Variants in UHRF1 observed in about 807,000 individuals in gnomAD.
UHRF1 encodes ubiquitin like with PHD and ring finger domains 1.
A neutral mutation model predicts 96.5 loss-of-function variants in UHRF1; 9 were observed. The ratio of observed to expected loss-of-function variants is 0.09; its 90% CI spans 0.06 to 0.16. The LOEUF is 0.16. UHRF1 is among the 10% of genes least tolerant of loss of function. The pLI, the probability that UHRF1 is intolerant of heterozygous loss-of-function variation, is 1.00. For missense variants in UHRF1, 626 were observed against 1,131.1 expected, an observed-to-expected ratio of 0.55 and a Z score of 6.40; for synonymous variants, 455 against 469.9, an observed-to-expected ratio of 0.97 and a Z score of 0.41.
chr19:4,917,920 T>G (rs993799066), intron 2 of UHRF1, among the ~76,000 whole-genome samples: 2 of 151,876 alleles, frequency 1.3e-5, no homozygotes, highest in Non-Finnish European at 2.9e-5. Flanking sequence ...CTCGGCCTTC[T>G]GAGTAGTTGG....
chr19:4,944,574 A>AG, intron 9 of UHRF1, 124 bp downstream of exon 9: 1 of 1,046,708 alleles, frequency 9.6e-7, no homozygotes, highest in Non-Finnish European at 1.4e-6. Context: ...CGGCTAGCCG[A>AG]GGAGGGGTGT....
At chr19:4,920,008 A>G (rs543044987) in intron 2 of UHRF1, among the ~76,000 whole-genome samples, 1 of 151,798 alleles carries the variant, frequency 6.6e-6, no homozygotes, top group Non-Finnish European at 1.5e-5. Context: ...GTAGAGACGG[A>G]GTTTCTCCAT....
rs1599234593 is a variant in UHRF1 at position 4,911,100 on chromosome 19, C to G, written c.153+62C>G. 2.1e-6 allele frequency: 3 copies of G among 1,409,986 alleles called. No individual in the cohort carries two copies. The East Asian group carries it at 7.7e-5, about 36-fold the overall frequency. The allele number at this position is 1,409,986 out of a possible 1,614,324, so 87.3% of individuals were successfully genotyped here. A position where few individuals can be genotyped will look rare whatever the true frequency, so the allele number is the denominator to read the frequency against. On this transcript the variant is annotated intron_variant, in intron 2 of 16. Coordinates refer to ENST00000650932, the MANE Select transcript of UHRF1 (RefSeq NM_001048201.3). ...TCCAGGCCTCGCGCCTCTGCAGCCACCAGCCGATACTTTCTCCCTCCCACC... is the reference window on the plus strand; with the variant it reads ...TCCAGGCCTCGCGCCTCTGCAGCCAGCAGCCGATACTTTCTCCCTCCCACC...
chr19:4,927,766 G>C (rs1415510612), intron 2 of UHRF1, among the ~76,000 whole-genome samples: 1 of 152,020 alleles, frequency 6.6e-6, no homozygotes, highest in Non-Finnish European at 1.5e-5. Flanking sequence ...CGGCCCCACG[G>C]TCCAGTGCCC....
At chr19:4,922,297 G>T (rs1294234846) in intron 2 of UHRF1, among the ~76,000 whole-genome samples, 1 of 151,952 alleles carries the variant, frequency 6.6e-6, no homozygotes, top group Non-Finnish European at 1.5e-5. Flanking sequence ...ATGGAGTCTT[G>T]CTCTGTTGCC....
chr19:4,936,445 G>C (rs553972255), intron 5 of UHRF1, among the ~76,000 whole-genome samples: 1 of 152,272 alleles, frequency 6.6e-6, no homozygotes, highest in South Asian at 2.1e-4. Context: ...AGATGGCCGA[G>C]TGGACTCTGG....
intron 2 of UHRF1, among the ~76,000 whole-genome samples, chr19:4,914,406 T>G (rs563194286): frequency 6.6e-6 from 1 of 152,070 alleles, no homozygotes; most frequent in Non-Finnish European, 1.5e-5. Context: ...TCTTTTTTTT[T>G]CCCTGTTTAA....
intron 16 of UHRF1, among the ~76,000 whole-genome samples, chr19:4,960,256 T>G (rs2145231447): frequency 6.6e-6 from 1 of 152,298 alleles, no homozygotes; most frequent in South Asian, 2.1e-4. Context: ...GTAGATAAGA[T>G]AAGCACATTA....
chr19:4,928,847 G>A (rs2032954772), intron 2 of UHRF1, among the ~76,000 whole-genome samples: 1 of 152,206 alleles, frequency 6.6e-6, no homozygotes. Context: ...ATGTTTGGTT[G>A]AGAAGCAGTG....
rs1172751104 is a variant in UHRF1, at chr19:4,942,482, G to A, written c.1073+551G>A. On this transcript the variant is annotated intron_variant, in intron 7 of 16. Coordinates refer to ENST00000650932, the MANE Select transcript of UHRF1 (RefSeq NM_001048201.3). Reference sequence around the variant, plus strand: ...TGGGATTATAGGCGTGAGCCACCTCGCCCAGCCTTGAGACGGAGTCTAATG... The same window carrying A: ...TGGGATTATAGGCGTGAGCCACCTCACCCAGCCTTGAGACGGAGTCTAATG... Among the ~76,000 whole-genome samples the A allele has an allele frequency of 2.0e-5, 3 of 151,730 alleles. No homozygotes were observed. The East Asian group carries it at 5.8e-4, about 29-fold the overall frequency.
chr19:4,910,723 C>G, intron 1 of UHRF1, 153 bp from the exon 2 acceptor site: 1 of 801,562 alleles, frequency 1.2e-6, no homozygotes, highest in Non-Finnish European at 1.9e-6. Context: ...CTGGTCCTGG[C>G]CAGGGTCTGG....
chr19:4,906,465 C>T (rs1599228188), upstream of UHRF1, among the ~76,000 whole-genome samples: 1 of 152,080 alleles, frequency 6.6e-6, no homozygotes. Context: ...ATGAAGAATG[C>T]ATGCCCAGCC....
chr19:4,932,712 G>A (rs764826663), intron 4 of UHRF1, 29 bp from the exon 5 acceptor site: 9 of 1,609,510 alleles, frequency 5.6e-6, no homozygotes, highest in South Asian at 4.4e-5. Context: ...GTCTTAGCAC[G>A]GGGTCTAAGG....
In UHRF1 at chr19:4,934,793, C is replaced by T. The variant is rs537636817; in HGVS notation, c.785+1837C>T. Among the ~76,000 whole-genome samples the T allele has an allele frequency of 3.9e-5, 6 of 152,154 alleles. No individual in the cohort carries two copies. The East Asian group carries it at 7.7e-4, about 20-fold the overall frequency. On this transcript the variant is annotated intron_variant, in intron 5 of 16. Transcript: ENST00000650932. ...GCCCGGTAGGGAGGTCAGTGAGCTG[C>T]GGGTGATGGAGGGGAGTGGCTGGGG...
At chr19:4,960,562 C>A in intron 16 of UHRF1, 95 bp from the exon 17 acceptor site, 1 of 1,509,602 alleles carries the variant, frequency 6.6e-7, no homozygotes, top group East Asian at 2.4e-5. Flanking sequence ...GGCCTCTGGA[C>A]CTGGTGAGAC....
intron 2 of UHRF1, among the ~76,000 whole-genome samples, chr19:4,911,425 T>A (rs1013833672): frequency 2.0e-5 from 3 of 152,270 alleles, no homozygotes; most frequent in African/African-American, 7.2e-5. Flanking sequence ...CAGGTTTTCT[T>A]TTTTAAACAT....
chr19:4,936,554 C>T (rs1488621609), intron 5 of UHRF1, among the ~76,000 whole-genome samples: 2 of 152,082 alleles, frequency 1.3e-5, no homozygotes, highest in Non-Finnish European at 2.9e-5. Flanking sequence ...AATGCAAGCC[C>T]TCTACACTGG....
chr19:4,909,800 ACCCTCGGGAATCGTT>A (rs933741229), intron 1 of UHRF1, 145 bp downstream of exon 1: 67 of 435,688 alleles, frequency 1.5e-4, no homozygotes, highest in African/African-American at 1.1e-3. Flanking sequence ...CTTCCACCTA[ACCCTCGGGAATCGTT>A]CCCCGGCACA....
chr19:4,905,108 C>CTTTTT (rs61443004), upstream of UHRF1, among the ~76,000 whole-genome samples: 1 of 95,190 alleles, frequency 1.1e-5, no homozygotes, highest in Non-Finnish European at 2.0e-5. Flanking sequence ...CGTAAACTTT[C>CTTTTT]TTTTTTTTTT....
Sources: allele counts gnomAD v4.1 joint callset (sites outside exome capture counted in the v4.1 genomes callset), GRCh38; gene constraint gnomAD v4.1.1; transcripts MANE v1.5; gene names NCBI Gene and HGNC (gene_info 2026-07-23, HGNC 2026-07-21).